RBMS3: variants seen among roughly 807,000 people sequenced by gnomAD.
RBMS3 encodes RNA binding motif single stranded interacting protein 3.
In RBMS3, 27 loss-of-function variants were observed where a neutral mutation model predicts 66.8. The observed-to-expected ratio is 0.40, with a 90% confidence interval of 0.30 to 0.56. RBMS3 has a LOEUF of 0.56. Ranked by LOEUF, RBMS3 falls within the 20% of genes least tolerant of loss-of-function variation. RBMS3 has a pLI of 0.40. For synonymous variants in RBMS3, 188 were observed against 183.0 expected, an observed-to-expected ratio of 1.03 and a Z score of -0.22; for missense variants, 513 against 549.5, an observed-to-expected ratio of 0.93 and a Z score of 0.66.
intron 4 of RBMS3, among the ~76,000 whole-genome samples, chr3:29,604,801 A>G (rs761909431): frequency 1.3e-5 from 2 of 151,932 alleles, no homozygotes; most frequent in Non-Finnish European, 2.9e-5. Context: ...AGATCTTAGC[A>G]GTTAGTGATC....
chr3:29,393,741 G>A (rs907109236), intron 1 of RBMS3, among the ~76,000 whole-genome samples: 7 of 152,138 alleles, frequency 4.6e-5, no homozygotes, highest in East Asian at 1.9e-4. Context: ...AAATTTTACA[G>A]CTGGGCCTCC....
At chr3:29,430,275 T>A (rs919678172) in intron 1 of RBMS3, among the ~76,000 whole-genome samples, 1 of 152,194 alleles carries the variant, frequency 6.6e-6, no homozygotes, top group African/African-American at 2.4e-5. Context: ...ATCTGTGGAT[T>A]GATTGGTTCA....
chr3:29,994,696 A>T (rs1029103860), intron 14 of RBMS3, among the ~76,000 whole-genome samples: 5 of 152,158 alleles, frequency 3.3e-5, no homozygotes, highest in Non-Finnish European at 7.3e-5. Context: ...ATTCCAACAG[A>T]CCTGCAGCTG....
intron 6 of RBMS3, among the ~76,000 whole-genome samples, chr3:29,774,871 G>A (rs1238320454): frequency 6.6e-6 from 1 of 151,120 alleles, no homozygotes; most frequent in Non-Finnish European, 1.5e-5. Flanking sequence ...TATGATTTAT[G>A]TCAATATGTA....
intron 12 of RBMS3, among the ~76,000 whole-genome samples, chr3:29,970,473 C>T (rs547428354): frequency 6.6e-5 from 10 of 152,152 alleles, no homozygotes; most frequent in East Asian, 3.9e-4. Flanking sequence ...AATTCTTACA[C>T]GCCTCTCTTA....
intron 4 of RBMS3, among the ~76,000 whole-genome samples, chr3:29,657,317 T>TA: frequency 6.6e-6 from 1 of 152,250 alleles, no homozygotes; most frequent in Non-Finnish European, 1.5e-5. Context: ...CTGCAGCTAT[T>TA]ATACTAGCTT....
chr3:29,330,515 CTTA>C (rs1451554788), intron 1 of RBMS3, among the ~76,000 whole-genome samples: 6 of 113,182 alleles, frequency 5.3e-5, no homozygotes, highest in Admixed American at 1.0e-4. Flanking sequence ...AGCGGGATAG[CTTA>C]TTATTGTCTA....
chr3:29,722,698 T>C (rs34341246), intron 4 of RBMS3, among the ~76,000 whole-genome samples: 73,505 of 151,802 alleles, frequency 0.48, 17,997 homozygotes, highest in Middle Eastern at 0.57. Flanking sequence ...AATTATTATG[T>C]AGAGCATCCC....
chr3:29,285,791 C>G (rs1439564475), intron 1 of RBMS3, among the ~76,000 whole-genome samples: 1 of 152,102 alleles, frequency 6.6e-6, no homozygotes, highest in Non-Finnish European at 1.5e-5. Context: ...ATAGAATGAG[C>G]AAACGCTTGA....
chr3:29,608,480 T>C (rs1287350211), intron 4 of RBMS3, among the ~76,000 whole-genome samples: 2 of 152,182 alleles, frequency 1.3e-5, no homozygotes, highest in South Asian at 4.1e-4. Context: ...GTCAAGATTA[T>C]ACAATTACAC....
chr3:29,915,238 T>A (rs951212767), intron 10 of RBMS3, among the ~76,000 whole-genome samples: 1 of 151,946 alleles, frequency 6.6e-6, no homozygotes, highest in South Asian at 2.1e-4. Flanking sequence ...ATCTTTGGCC[T>A]TTGGGGCTTT....
At chr3:29,385,500 G>C (rs1333823710) in intron 1 of RBMS3, among the ~76,000 whole-genome samples, 1 of 152,082 alleles carries the variant, frequency 6.6e-6, no homozygotes, top group South Asian at 2.1e-4. Context: ...ACCTCAAACT[G>C]GGGGAGCATA....
At chr3:29,878,905 G>A (rs917594851) in intron 7 of RBMS3, among the ~76,000 whole-genome samples, 2 of 151,896 alleles carry the variant, frequency 1.3e-5, no homozygotes, top group African/African-American at 4.8e-5. Flanking sequence ...AAAATTAGCT[G>A]GGCTTAATGG....
chr3:29,449,010 G>C (rs975731028), intron 2 of RBMS3, among the ~76,000 whole-genome samples: 6 of 152,098 alleles, frequency 3.9e-5, no homozygotes, highest in Admixed American at 2.0e-4. Context: ...TTACTCACTA[G>C]AACTCTGGAC....
At chr3:29,623,461 G>A (rs112889611) in intron 4 of RBMS3, among the ~76,000 whole-genome samples, 2,500 of 151,676 alleles carry the variant, frequency 0.016, 48 homozygotes, top group African/African-American at 0.047. Flanking sequence ...GCGTGGTGGC[G>A]GGCGCCTGTA....
chr3:29,643,603 G>A (rs2049806908), intron 4 of RBMS3, among the ~76,000 whole-genome samples: 1 of 152,140 alleles, frequency 6.6e-6, no homozygotes, highest in Admixed American at 6.6e-5. Flanking sequence ...ATTAAGGAGC[G>A]TAACACAGTC....
At chr3:29,741,332 G>A (rs1395448663) in intron 5 of RBMS3, among the ~76,000 whole-genome samples, 1 of 152,178 alleles carries the variant, frequency 6.6e-6, no homozygotes, top group Non-Finnish European at 1.5e-5. Flanking sequence ...ATTGACAACT[G>A]TTGATTTTCA....
At chr3:29,907,454 T>C (rs556887186) in intron 10 of RBMS3, among the ~76,000 whole-genome samples, 46 of 152,236 alleles carry the variant, frequency 3.0e-4, no homozygotes, top group African/African-American at 1.0e-3. Flanking sequence ...GGTGTAGATG[T>C]TGAACTTAAT....
intron 1 of RBMS3, among the ~76,000 whole-genome samples, chr3:29,322,618 A>C (rs1256270562): frequency 6.8e-6 from 1 of 146,276 alleles, no homozygotes; most frequent in East Asian, 2.0e-4. Context: ...ATTAGTTTTC[A>C]CATACGAAAA....
Sources: gnomAD v4.1 joint callset for allele counts (sites outside exome capture counted in the v4.1 genomes callset) on GRCh38, gnomAD v4.1.1 for gene constraint, MANE v1.5 for transcripts, NCBI Gene and HGNC (gene_info 2026-07-23, HGNC 2026-07-21) for gene names.